Variants in MGAT4D observed in about 807,000 individuals in gnomAD.
MGAT4D encodes alpha-1,3-mannosyl-glycoprotein 4-beta-N-acetylglucosaminyltransferase-like protein MGAT4D.
A neutral mutation model predicts 15.9 loss-of-function variants in MGAT4D; 34 were observed. The observed-to-expected ratio is 2.14, with a 90% CI of 1.62 to 2.84. MGAT4D has a LOEUF of 2.84. MGAT4D is among the 30% of genes most tolerant of loss of function. MGAT4D has a pLI of 0.00. For missense variants in MGAT4D, 327 were observed against 140.2 expected, an observed-to-expected ratio of 2.33 and a Z score of -6.73; for synonymous variants, 112 against 48.2, an observed-to-expected ratio of 2.33 and a Z score of -5.49.
At chr4:140,496,025 A>C (rs1337686932) in intron 1 of MGAT4D, among the ~76,000 whole-genome samples, 1 of 152,162 alleles carries the variant, frequency 6.6e-6, no homozygotes, top group Non-Finnish European at 1.5e-5. Context: ...GAGCCACCCC[A>C]CTGCGCCTGG....
rs545529961 is a variant in MGAT4D, at chr4:140,490,627, G to C, written c.94+7502C>G. Among the ~76,000 whole-genome samples the C allele has an allele frequency of 3.9e-5, 6 of 152,170 alleles. No individual in the cohort carries two copies. In the South Asian group the frequency reaches 1.2e-3, roughly 31 times the overall value. The stretch of plus-strand genomic sequence containing the variant: ...CAATAAGAGACAAACATTTGAGCCT[G>C]AGTCTGATCTCCTTGCTGGCTGGTT... On this transcript the variant is annotated intron_variant, in intron 1 of 10. Transcript: ENST00000511113.
chr4:140,462,398 A>G lies in MGAT4D; in HGVS notation c.687-394T>C, dbSNP rs1007051214. ...TTCTTTATTGATTCTATCATCCAAGAGTTTTCTCCCCAATTCTTAGGGTTA... is the reference window on the plus strand; with the variant it reads ...TTCTTTATTGATTCTATCATCCAAGGGTTTTCTCCCCAATTCTTAGGGTTA... On this transcript the variant is annotated intron_variant, in intron 6 of 10. Transcript: ENST00000511113. The G allele has an allele frequency of 5.1e-5, 8 of 157,472 alleles. No homozygotes were observed. In the East Asian group the frequency reaches 1.5e-3, roughly 29 times the overall value. The allele number at this position is 157,472 out of a possible 1,614,324, so 9.8% of individuals were successfully genotyped here. A position where few individuals can be genotyped will look rare whatever the true frequency, so the allele number is the denominator to read the frequency against.
At chr4:140,482,047 C>A (rs1006392177) in intron 2 of MGAT4D, among the ~76,000 whole-genome samples, 1 of 152,076 alleles carries the variant, frequency 6.6e-6, no homozygotes, top group African/African-American at 2.4e-5. Flanking sequence ...AGAGGTAGAG[C>A]GAGGGGTCAG....
At chr4:140,470,588 G>A (rs771395804) in intron 5 of MGAT4D, among the ~76,000 whole-genome samples, 1 of 152,056 alleles carries the variant, frequency 6.6e-6, no homozygotes, top group South Asian at 2.1e-4. Context: ...CAGTCCTTCC[G>A]CCTTAACTCC....
chr4:140,468,774 T>C (rs1731717779), intron 5 of MGAT4D, among the ~76,000 whole-genome samples: 2 of 152,180 alleles, frequency 1.3e-5, no homozygotes, highest in Admixed American at 6.5e-5. Context: ...ATTTCAAGCC[T>C]TCACTACCCT....
chr4:140,459,688 T>C lies in MGAT4D; in HGVS notation c.763-62A>G, dbSNP rs759174645. The C allele has an allele frequency of 2.4e-3, 919 of 377,824 alleles. 5 individuals carry two copies. The highest frequency in any genetic ancestry group is 3.5e-3 in the Non-Finnish European group (750 of 211,676). 23.4% of individuals were successfully genotyped at this position (377,824 alleles called of 1,614,324 possible). A position where few individuals can be genotyped will look rare whatever the true frequency, so the allele number is the denominator to read the frequency against. ...GACGCTTCCATTGAGTAAAGCTATA[T>C]TAGCTTGAAAATAAAAAATACAACT... On this transcript the variant is annotated intron_variant, in intron 7 of 10. Transcript: ENST00000511113.
intron 1 of MGAT4D, among the ~76,000 whole-genome samples, chr4:140,497,334 G>C (rs1733902473): frequency 6.6e-6 from 1 of 151,900 alleles, no homozygotes; most frequent in Admixed American, 6.6e-5. Flanking sequence ...CGGACAACTA[G>C]GGTTAAAAGA....
intron 8 of MGAT4D, 109 bp from the exon 9 acceptor site, chr4:140,456,828 G>A (rs1730838136): frequency 2.0e-6 from 1 of 499,704 alleles, no homozygotes; most frequent in South Asian, 3.3e-5. Flanking sequence ...CCATTCCTTA[G>A]AAATAAAGAT....
In MGAT4D at chr4:140,454,274, C is replaced by T. The variant is rs148562313; in HGVS notation, c.1008+2315G>A. On this transcript the variant is annotated intron_variant, in intron 9 of 10. Coordinates refer to ENST00000511113, the MANE Select transcript of MGAT4D (RefSeq NM_001277353.2). ...TAGATGCTCTTTAACATGTCAGAGA[C>T]ATTTCTTTCTATTCCTAATTGGCTG... 1.8e-3 allele frequency among the ~76,000 whole-genome samples: 271 copies of T among 152,174 alleles called. 2 individuals are homozygous for T. The highest frequency in any genetic ancestry group is 6.2e-3 in the African/African-American group (257 of 41,534).
At chr4:140,482,268 A>G (rs1353675180) in intron 2 of MGAT4D, 59 bp downstream of exon 2, 1 of 571,180 alleles carries the variant, frequency 1.8e-6, no homozygotes, top group Admixed American at 3.6e-5. Context: ...CCCTAAAATC[A>G]TAAGACATTG....
intron 1 of MGAT4D, among the ~76,000 whole-genome samples, chr4:140,487,622 C>T (rs1733230504): frequency 6.6e-6 from 1 of 152,154 alleles, no homozygotes; most frequent in East Asian, 1.9e-4. Context: ...ACTAAATATT[C>T]TAAATCCTGC....
intron 10 of MGAT4D, among the ~76,000 whole-genome samples, chr4:140,448,463 G>A (rs1443606135): frequency 2.0e-5 from 3 of 152,048 alleles, no homozygotes; most frequent in Non-Finnish European, 4.4e-5. Context: ...CAAGCTCTGA[G>A]ATTCTTTCCT....
chr4:140,467,730 ACT>A (rs1731632667), intron 5 of MGAT4D, among the ~76,000 whole-genome samples: 1 of 152,032 alleles, frequency 6.6e-6, no homozygotes, highest in African/African-American at 2.4e-5. Flanking sequence ...AAATAATATA[ACT>A]CTAGGTTGTT....
In MGAT4D at chr4:140,489,144, A is replaced by T. The variant is rs969357319; in HGVS notation, c.95-6659T>A. Among the ~76,000 whole-genome samples, 5 of 152,172 alleles carry T rather than the reference A, an allele frequency of 3.3e-5. No homozygotes were observed. In the South Asian group the frequency reaches 1.0e-3, roughly 31 times the overall value. ...TAGAAGGGCAAAAGGTATAATGATA[A>T]AGCATTGGCAGGTCACTTTAAATTT... On this transcript the variant is annotated intron_variant, in intron 1 of 10. Coordinates refer to ENST00000511113, the MANE Select transcript of MGAT4D (RefSeq NM_001277353.2).
chr4:140,466,988 A>G (rs1314300185), intron 5 of MGAT4D, among the ~76,000 whole-genome samples: 4 of 152,056 alleles, frequency 2.6e-5, no homozygotes, highest in Non-Finnish European at 4.4e-5. Flanking sequence ...TCTGATCTTT[A>G]ATTTCCTCAT....
At chr4:140,450,840 T>G (rs544071496) in intron 10 of MGAT4D, among the ~76,000 whole-genome samples, 1 of 152,280 alleles carries the variant, frequency 6.6e-6, no homozygotes, top group Admixed American at 6.5e-5. Context: ...TACTCCCTAG[T>G]TCACCAGGAC....
intron 8 of MGAT4D, chr4:140,457,688 G>C (rs1226336491): frequency 6.6e-6 from 1 of 152,106 alleles, no homozygotes; most frequent in Admixed American, 6.6e-5. Flanking sequence ...AGTGCTCCTT[G>C]TTCAATGTGC....
At chr4:140,489,142 T>C (rs1230776129) in intron 1 of MGAT4D, among the ~76,000 whole-genome samples, 1 of 152,190 alleles carries the variant, frequency 6.6e-6, no homozygotes, top group Non-Finnish European at 1.5e-5. Context: ...GGTATAATGA[T>C]AAAGCATTGG....
chr4:140,487,289 G>C (rs1019697144), intron 1 of MGAT4D, among the ~76,000 whole-genome samples: 2 of 152,178 alleles, frequency 1.3e-5, no homozygotes, highest in Non-Finnish European at 2.9e-5. Context: ...GGGCATCTCT[G>C]TAGTGAAATT....
Sources: allele counts gnomAD v4.1 joint callset (sites outside exome capture counted in the v4.1 genomes callset), GRCh38; gene constraint gnomAD v4.1.1; transcripts MANE v1.5; gene names NCBI Gene and HGNC (gene_info 2026-07-23, HGNC 2026-07-21).